The following ITIH2 variants were observed in gnomAD, a reference collection of about 807,000 sequenced individuals.
ITIH2 encodes inter-alpha-trypsin inhibitor heavy chain 2.
Under a neutral mutation model 104.4 loss-of-function variants are expected in ITIH2, and 103 were observed. The observed-to-expected ratio is 0.99, with a 90% confidence interval of 0.84 to 1.16. ITIH2 has a LOEUF of 1.16. Ranked by LOEUF, ITIH2 falls within the 50% of genes most tolerant of loss-of-function variation. The pLI, the probability that ITIH2 is intolerant of heterozygous loss-of-function variation, is 0.00. For missense variants in ITIH2, 1,108 were observed against 1,162.4 expected (o/e 0.95, Z 0.68); for synonymous variants, 436 against 435.4 (o/e 1.00, Z -0.02).
chr10:7,734,498 C>T (rs1452764745), intron 14 of ITIH2, among the ~76,000 whole-genome samples: 2 of 152,000 alleles, frequency 1.3e-5, no homozygotes, highest in Non-Finnish European at 1.5e-5. Flanking sequence ...AGTTTGAGAC[C>T]AGCCTGGGCA....
intron 9 of ITIH2, among the ~76,000 whole-genome samples, chr10:7,726,293 C>T (rs1367747485): frequency 2.0e-5 from 3 of 151,960 alleles, no homozygotes. Flanking sequence ...TGGAAATGTA[C>T]CAATAGAATA....
chr10:7,738,403 C>T (rs541046061), intron 15 of ITIH2, among the ~76,000 whole-genome samples: 63 of 149,374 alleles, frequency 4.2e-4, no homozygotes, highest in African/African-American at 1.5e-3. Flanking sequence ...CCCACTGCCA[C>T]CCTTGCTCAG....
chr10:7,717,800 T>C lies in ITIH2; in HGVS notation c.630+12T>C, dbSNP rs41290281. On this transcript the variant is annotated intron_variant, in intron 6 of 20. Coordinates refer to ENST00000358415, the MANE Select transcript of ITIH2 (RefSeq NM_002216.3). ...CCAAACACTTAGAGGTAAGCCTGGA[T>C]CTGTAGGGTGGGCAGTGACACTGTC... The C allele has an allele frequency of 3.1e-6, 5 of 1,599,606 alleles. No homozygotes were observed. Among genetic ancestry groups the C allele is most frequent in the Non-Finnish European group, 4.3e-6 (5 of 1,169,652 alleles).
intron 1 of ITIH2, among the ~76,000 whole-genome samples, chr10:7,704,243 C>A (rs1414812951): frequency 6.6e-6 from 1 of 152,210 alleles, no homozygotes; most frequent in African/African-American, 2.4e-5. Flanking sequence ...ATAATACTTG[C>A]AGAGTGGATT....
intron 4 of ITIH2, among the ~76,000 whole-genome samples, 177 bp downstream of exon 4, chr10:7,709,368 A>T (rs181345852): frequency 3.3e-4 from 50 of 152,298 alleles, no homozygotes; most frequent in Non-Finnish European, 6.0e-4. Flanking sequence ...AGAACTTGTG[A>T]ATTATTTGCT....
chr10:7,741,173 G>GT (rs34408370), intron 16 of ITIH2, among the ~76,000 whole-genome samples: 1,188 of 100,208 alleles, frequency 0.012, 17 homozygotes, highest in African/African-American at 0.029. Context: ...ATTGTTTAAG[G>GT]TTTTTTTTTT....
At chr10:7,732,526 T>C in intron 14 of ITIH2, 49 bp downstream of exon 14, 4 of 1,585,630 alleles carry the variant, frequency 2.5e-6, no homozygotes, top group Non-Finnish European at 3.5e-6. Context: ...AACTGAAATG[T>C]CCACCGTGAA....
At chr10:7,732,499 CA>C (rs774450388) in intron 14 of ITIH2, 22 bp downstream of exon 14, 2 of 1,600,828 alleles carry the variant, frequency 1.2e-6, no homozygotes, top group Non-Finnish European at 1.7e-6. Context: ...AGAGTACCCA[CA>C]CCACGAGATC....
intron 15 of ITIH2, among the ~76,000 whole-genome samples, chr10:7,737,243 GCTCT>G (rs1252033652): frequency 6.6e-6 from 1 of 151,116 alleles, no homozygotes; most frequent in Non-Finnish European, 1.5e-5. Flanking sequence ...AACAGTCCAT[GCTCT>G]CTGAGTCCTG....
At chr10:7,737,433 G>GTA (rs372820455) in intron 15 of ITIH2, among the ~76,000 whole-genome samples, 20,709 of 124,016 alleles carry the variant, frequency 0.17, 1,815 homozygotes, top group East Asian at 0.4. Flanking sequence ...ATATACACGT[G>GTA]TATATATATA....
chr10:7,709,054 T>C lies in ITIH2; in HGVS notation c.225T>C (p.Tyr75=), dbSNP rs926310980. Residue 75 remains tyrosine (Y), a synonymous_variant, in exon 4 of 21, where the codon TAT becomes TAC. Coordinates refer to ENST00000358415, the MANE Select transcript of ITIH2 (RefSeq NM_002216.3). The part of the protein sequence containing the change: ...EEVDQVTLYS[Y]KVQSTITSRM... Reference sequence around the variant, plus strand: ...TTGATCAAGTAACTCTTTATAGCTATAAAGTCCAGTCTACTATTACTTCTC... The same window carrying C: ...TTGATCAAGTAACTCTTTATAGCTACAAAGTCCAGTCTACTATTACTTCTC... 82 of 1,614,036 alleles carry C rather than the reference T, an allele frequency of 5.1e-5. No individual in the cohort carries two copies. The highest frequency in any genetic ancestry group is 6.8e-5 in the Non-Finnish European group (80 of 1,179,996).
Position 7,738,605 on chromosome 10 carries a change from A to T in ITIH2, c.1958-16A>T. ...CGTAAATCTAGAAACTAACAGATGCAGGTTTGTCTACGCAGGGGCCCTGTA... is the reference window on the plus strand; with the variant it reads ...CGTAAATCTAGAAACTAACAGATGCTGGTTTGTCTACGCAGGGGCCCTGTA... On this transcript the variant is annotated splice_polypyrimidine_tract_variant and intron_variant, in intron 15 of 20. Transcript: ENST00000358415. 1.2e-6 allele frequency: 2 copies of T among 1,612,448 alleles called. No individual in the cohort carries two copies.
chr10:7,748,776 C>A (rs576675624), intron 20 of ITIH2, among the ~76,000 whole-genome samples: 2 of 151,362 alleles, frequency 1.3e-5, no homozygotes, highest in African/African-American at 4.9e-5. Flanking sequence ...GAACTCCTGG[C>A]CTCAAGTGGT....
chr10:7,721,878 G>A (rs1798164646), intron 8 of ITIH2, 101 bp downstream of exon 8: 5 of 1,305,130 alleles, frequency 3.8e-6, no homozygotes, highest in East Asian at 4.7e-5. Context: ...TAGCTGCCAG[G>A]GCAAGTGTTT....
At chr10:7,738,209 T>TTATATTCTATAAAATATTATAC (rs1835087078) in intron 15 of ITIH2, among the ~76,000 whole-genome samples, 2 of 98,316 alleles carry the variant, frequency 2.0e-5, no homozygotes, top group African/African-American at 7.5e-5. Flanking sequence ...AAATATTATA[T>TTATATTCTATAAAATATTATAC]ATTATATTCT....
At chr10:7,722,879 G>C (rs986378404) in intron 8 of ITIH2, among the ~76,000 whole-genome samples, 1 of 152,206 alleles carries the variant, frequency 6.6e-6, no homozygotes, top group Non-Finnish European at 1.5e-5. Context: ...GCCTCCTGAC[G>C]GGAGGTGCTC....
intron 16 of ITIH2, among the ~76,000 whole-genome samples, chr10:7,741,173 GTTTTTTTTTTT>G (rs34408370): frequency 0.02 from 1,974 of 100,268 alleles, 63 homozygotes; most frequent in African/African-American, 0.063. Context: ...ATTGTTTAAG[GTTTTTTTTTTT>G]TTTTTTTTTT....
rs878927692 is a variant in ITIH2 at position 7,735,173 on chromosome 10, CTCCCACCCCA to C, written c.1957+83_1957+92del. The C allele has an allele frequency of 1.6e-4, 213 of 1,303,792 alleles. 2 individuals carry two copies. In the South Asian group the frequency reaches 2.9e-3, roughly 18 times the overall value. The allele number at this position is 1,303,792 out of a possible 1,614,324, so 80.8% of individuals were successfully genotyped here. A position where few individuals can be genotyped will look rare whatever the true frequency, so the allele number is the denominator to read the frequency against. On this transcript the variant is annotated intron_variant, in intron 15 of 20. Transcript: ENST00000358415. ...GGCGAAGTCCTAGTGCCTCCGCTCTCTCCCACCCCAGCCCACCTCTTGCTCCCAGCCCTGG... is the reference window on the plus strand; with the variant it reads ...GGCGAAGTCCTAGTGCCTCCGCTCTCGCCCACCTCTTGCTCCCAGCCCTGG...
chr10:7,709,884 C>T (rs1181965233), intron 4 of ITIH2, among the ~76,000 whole-genome samples: 8 of 151,894 alleles, frequency 5.3e-5, no homozygotes, highest in East Asian at 1.9e-4. Context: ...GATGGAGTCT[C>T]GCTCTGTCGC....
Sources: gnomAD v4.1 joint callset for allele counts (sites outside exome capture counted in the v4.1 genomes callset) on GRCh38, gnomAD v4.1.1 for gene constraint, MANE v1.5 for transcripts, NCBI Gene and HGNC (gene_info 2026-07-23, HGNC 2026-07-21) for gene names.